TSPAN5: variants seen among roughly 807,000 people sequenced by gnomAD.
TSPAN5 encodes the protein tetraspanin-5.
TSPAN5 carries 10 observed loss-of-function variants against 37.1 expected under a neutral mutation model. That is an observed-to-expected ratio of 0.27 (90% CI 0.17 to 0.46). The LOEUF (loss-of-function observed/expected upper bound fraction) is 0.46. Among genes scored for constraint, TSPAN5 ranks in the 20% least tolerant of loss-of-function variants. The pLI is 1.00. For synonymous variants in TSPAN5, 110 were observed against 118.9 expected (o/e 0.93, Z 0.48); for missense variants, 195 against 326.6 (o/e 0.60, Z 3.11).
intron 2 of TSPAN5, among the ~76,000 whole-genome samples, chr4:98,488,969 A>G (rs577488973): frequency 6.6e-6 from 1 of 152,224 alleles, no homozygotes; most frequent in African/African-American, 2.4e-5. Context: ...CTCCTCTGAC[A>G]ATGCCTTTAA....
chr4:98,578,478 TGCAGTG>T (rs1436641017), intron 1 of TSPAN5, among the ~76,000 whole-genome samples: 1 of 152,108 alleles, frequency 6.6e-6, no homozygotes, highest in Admixed American at 6.5e-5. Flanking sequence ...CAGGCTGGAG[TGCAGTG>T]GCACAATCTC....
chr4:98,637,352 T>C (rs879459399), intron 1 of TSPAN5, among the ~76,000 whole-genome samples: 1 of 152,138 alleles, frequency 6.6e-6, no homozygotes, highest in Admixed American at 6.5e-5. Context: ...TACTTCCCCA[T>C]TAACATCTAC....
At chr4:98,648,948 A>C (rs539058971) in intron 1 of TSPAN5, among the ~76,000 whole-genome samples, 12 of 152,194 alleles carry the variant, frequency 7.9e-5, no homozygotes, top group South Asian at 2.1e-4. Context: ...TTTCCTTACT[A>C]ATCAGGCTGC....
At chr4:98,562,257 G>C (rs1754896409) in intron 1 of TSPAN5, among the ~76,000 whole-genome samples, 1 of 152,218 alleles carries the variant, frequency 6.6e-6, no homozygotes, top group Non-Finnish European at 1.5e-5. Context: ...ATGCTTGAAG[G>C]GGTGTGATAC....
intron 1 of TSPAN5, among the ~76,000 whole-genome samples, chr4:98,543,966 C>T (rs1027656808): frequency 6.6e-6 from 1 of 151,898 alleles, no homozygotes; most frequent in African/African-American, 2.4e-5. Flanking sequence ...TTGTCTGGGG[C>T]CAGGAGTTCG....
At chr4:98,488,371 G>A (rs991899829) in intron 2 of TSPAN5, among the ~76,000 whole-genome samples, 1 of 152,246 alleles carries the variant, frequency 6.6e-6, no homozygotes, top group East Asian at 1.9e-4. Flanking sequence ...TCTTCCTTTA[G>A]GGGGGTGTCA....
At chr4:98,637,780 C>T (rs1390687758) in intron 1 of TSPAN5, among the ~76,000 whole-genome samples, 1 of 152,208 alleles carries the variant, frequency 6.6e-6, no homozygotes, top group Non-Finnish European at 1.5e-5. Context: ...AAATGTTTCT[C>T]TAAATCGCCC....
At chr4:98,550,723 A>G (rs1754596822) in intron 1 of TSPAN5, among the ~76,000 whole-genome samples, 2 of 151,870 alleles carry the variant, frequency 1.3e-5, no homozygotes, top group Admixed American at 1.3e-4. Context: ...CTATATGTTA[A>G]TTTAGTATCC....
At position 98,644,222 on chromosome 4, in the gene TSPAN5, G is replaced by A. The variant is rs2272419; in HGVS notation, c.81+13924C>T. Among the ~76,000 whole-genome samples, 1,129 of 152,072 alleles carry A rather than the reference G, an allele frequency of 7.4e-3. 17 individuals are homozygous for A. The highest frequency in any genetic ancestry group is 0.058 in the East Asian group (301 of 5,172). On this transcript the variant is annotated intron_variant, in intron 1 of 7. Coordinates refer to ENST00000305798, the MANE Select transcript of TSPAN5 (RefSeq NM_005723.4). The stretch of plus-strand genomic sequence containing the variant: ...AATGTTGTCCTAAGGGGGAAAGGCC[G>A]GTAAAGTCGGAAGAAATGCTTAAAA...
intron 1 of TSPAN5, among the ~76,000 whole-genome samples, chr4:98,580,674 G>A (rs1755347036): frequency 6.6e-6 from 1 of 152,200 alleles, no homozygotes; most frequent in South Asian, 2.1e-4. Context: ...CATTCATAAA[G>A]AGAGTTATTT....
chr4:98,478,577 A>G (rs1752758365), intron 5 of TSPAN5, 108 bp downstream of exon 5: 1 of 1,348,690 alleles, frequency 7.4e-7, no homozygotes, highest in South Asian at 1.2e-5. Context: ...TACAAATACG[A>G]GTAACCAGGT....
At chr4:98,474,009 G>A (rs944037700) in intron 7 of TSPAN5, among the ~76,000 whole-genome samples, 2 of 152,092 alleles carry the variant, frequency 1.3e-5, no homozygotes, top group African/African-American at 4.8e-5. Flanking sequence ...TCTTTTCACT[G>A]TCTTGATGGT....
intron 1 of TSPAN5, among the ~76,000 whole-genome samples, chr4:98,586,362 C>G (rs1755484026): frequency 6.6e-6 from 1 of 152,180 alleles, no homozygotes; most frequent in African/African-American, 2.4e-5. Context: ...TCCCCATTAA[C>G]TGACTTGTCT....
At chr4:98,652,109 C>T (rs897982589) in intron 1 of TSPAN5, among the ~76,000 whole-genome samples, 1 of 152,024 alleles carries the variant, frequency 6.6e-6, no homozygotes, top group Non-Finnish European at 1.5e-5. Flanking sequence ...ATCCTCCAGC[C>T]TCAGCCTCCT....
At chr4:98,543,582 A>ATT (rs200533627) in intron 1 of TSPAN5, among the ~76,000 whole-genome samples, 15 of 150,452 alleles carry the variant, frequency 1.0e-4, no homozygotes, top group Non-Finnish European at 1.6e-4. Flanking sequence ...CGCCAGGCTA[A>ATT]TTTTTTTTTG....
At chr4:98,531,149 C>A (rs922129109) in intron 1 of TSPAN5, among the ~76,000 whole-genome samples, 2 of 152,132 alleles carry the variant, frequency 1.3e-5, no homozygotes, top group Non-Finnish European at 2.9e-5. Flanking sequence ...TATACACATG[C>A]CATGGTGGTT....
chr4:98,512,161 T>C (rs1019194027), intron 1 of TSPAN5, among the ~76,000 whole-genome samples: 6 of 151,824 alleles, frequency 4.0e-5, no homozygotes, highest in African/African-American at 1.5e-4. Flanking sequence ...TGCAGTGAGC[T>C]GAGATCGCGC....
At chr4:98,614,654 C>G (rs1343910054) in intron 1 of TSPAN5, among the ~76,000 whole-genome samples, 2 of 152,162 alleles carry the variant, frequency 1.3e-5, no homozygotes, top group Non-Finnish European at 2.9e-5. Flanking sequence ...TTCTAACATC[C>G]AAACACTTAT....
At chr4:98,584,132 G>A (rs1386217890) in intron 1 of TSPAN5, among the ~76,000 whole-genome samples, 2 of 152,072 alleles carry the variant, frequency 1.3e-5, no homozygotes, top group Non-Finnish European at 2.9e-5. Context: ...AAAGAGATGC[G>A]GTCTTTCTTT....
Sources: allele counts gnomAD v4.1 joint callset (sites outside exome capture counted in the v4.1 genomes callset), GRCh38; gene constraint gnomAD v4.1.1; transcripts MANE v1.5; gene names NCBI Gene and HGNC (gene_info 2026-07-23, HGNC 2026-07-21).